Variants in RAB3GAP2 observed in about 807,000 individuals in gnomAD.
The protein encoded by RAB3GAP2 is rab3 GTPase-activating protein non-catalytic subunit.
Under a neutral mutation model 185.3 loss-of-function variants are expected in RAB3GAP2, and 87 were observed. That is an observed-to-expected ratio of 0.47 (90% confidence interval 0.39 to 0.56). The LOEUF (loss-of-function observed/expected upper bound fraction) is 0.56, where lower values mean the gene tolerates loss of function less well. RAB3GAP2 is among the 20% of genes least tolerant of loss of function. RAB3GAP2 has a pLI of 0.00. For synonymous variants in RAB3GAP2, 554 were observed against 576.1 expected, an observed-to-expected ratio of 0.96 and a Z score of 0.55; for missense variants, 1,492 against 1,638.2, an observed-to-expected ratio of 0.91 and a Z score of 1.54.
chr1:220,199,164 T>G (rs930021428), intron 9 of RAB3GAP2, among the ~76,000 whole-genome samples: 8 of 151,278 alleles, frequency 5.3e-5, no homozygotes, highest in African/African-American at 1.9e-4. Flanking sequence ...AGAAAGATGA[T>G]GTAGAAAAAA....
In RAB3GAP2 at chr1:220,154,008, C is replaced by G; in HGVS notation, c.3605G>C (p.Ser1202Thr). Residue 1202 changes from serine (S) to threonine (T), a missense_variant, in exon 32 of 35, where the codon AGT becomes ACT. Coordinates refer to ENST00000358951, the MANE Select transcript of RAB3GAP2 (RefSeq NM_012414.4). The part of the protein sequence containing the change: ...KDLTSIQLLP[S>T]GEMDPNFISV... ...AATAAAATTTGGATCCATTTCCCCACTAGGTAATAACTGAATTGAAGTTAG... is the reference window on the plus strand; with the variant it reads ...AATAAAATTTGGATCCATTTCCCCAGTAGGTAATAACTGAATTGAAGTTAG... 1 of 1,613,578 alleles carries G rather than the reference C, an allele frequency of 6.2e-7. No homozygotes were observed. The highest frequency in any genetic ancestry group is 2.2e-5 in the East Asian group (1 of 44,794).
At chr1:220,264,735 T>C (rs1660199832) in intron 1 of RAB3GAP2, among the ~76,000 whole-genome samples, 1 of 151,666 alleles carries the variant, frequency 6.6e-6, no homozygotes, top group Non-Finnish European at 1.5e-5. Flanking sequence ...TTTCTCTCCA[T>C]CTGATGGACA....
rs1321108653 is a variant in RAB3GAP2, at chr1:220,182,767, C to T, written c.2163G>A (p.Lys721=). The T allele has an allele frequency of 6.2e-7, 1 of 1,612,126 alleles. No homozygotes were observed. Among genetic ancestry groups the T allele is most frequent in the Admixed American group, 1.7e-5 (1 of 59,974 alleles). The change falls in exon 20 of 35, where the codon AAG becomes AAA. Residue 721 remains lysine (K), a synonymous_variant. Transcript: ENST00000358951. ...TTATTTTCTTTATGTTGAGCACATC[C>T]TTTTCATATTCTAAATATTCCAAGA... is the stretch of plus-strand genomic sequence containing the variant. ...KTFLEYLEYE[K]DVLNIKKISE...
chr1:220,213,932 T>C lies in RAB3GAP2; in HGVS notation c.228A>G (p.Gln76=), dbSNP rs1043216876. The change falls in exon 3 of 35, where the codon CAA becomes CAG. Residue 76 remains glutamine, a synonymous_variant. Coordinates refer to ENST00000358951, the MANE Select transcript of RAB3GAP2 (RefSeq NM_012414.4). Reference sequence around the variant, plus strand: ...TTGGAGATAAGGATAAAACACAATCTTGGAGCCAGGAAGTTTTTTGTGTTT... The same window carrying C: ...TTGGAGATAAGGATAAAACACAATCCTGGAGCCAGGAAGTTTTTTGTGTTT... ...TCKTQKTSWL[Q]DCVLSLSPTN... is the part of the protein sequence containing the mutation. 1.2e-6 allele frequency: 2 copies of C among 1,613,348 alleles called. No homozygotes were observed. The highest frequency in any genetic ancestry group is 4.5e-5 in the East Asian group (2 of 44,820).
intron 7 of RAB3GAP2, chr1:220,207,814 A>T (rs1382856260): frequency 6.6e-6 from 1 of 152,174 alleles, no homozygotes; most frequent in East Asian, 1.9e-4. Flanking sequence ...CTTTTTACAG[A>T]AGCTATTATA....
At position 220,150,212 on chromosome 1, in the gene RAB3GAP2, G is replaced by A. The variant is rs986609998; in HGVS notation, c.*1039C>T. 3 of 150,438 alleles carry A rather than the reference G, an allele frequency of 2.0e-5. No homozygotes were observed. Among genetic ancestry groups the A allele is most frequent in the African/African-American group, 4.9e-5 (2 of 40,876 alleles). 9.3% of individuals were successfully genotyped at this position (150,438 alleles called of 1,614,324 possible). On this transcript the variant is annotated 3_prime_UTR_variant, in exon 35 of 35. Coordinates refer to ENST00000358951, the MANE Select transcript of RAB3GAP2 (RefSeq NM_012414.4). ...CCAGCCTCCCGAGTAGCTATAGTTTGGTTTTAATCAGTAAATATTTATTTA... is the reference window on the plus strand; with the variant it reads ...CCAGCCTCCCGAGTAGCTATAGTTTAGTTTTAATCAGTAAATATTTATTTA...
intron 1 of RAB3GAP2, among the ~76,000 whole-genome samples, chr1:220,271,732 G>T (rs577767961): frequency 6.6e-6 from 1 of 152,148 alleles, no homozygotes; most frequent in East Asian, 1.9e-4. Flanking sequence ...CTTTCGGAAT[G>T]GGAGGTAGCA....
At chr1:220,260,851 G>A (rs1013083121) in intron 1 of RAB3GAP2, among the ~76,000 whole-genome samples, 3 of 152,138 alleles carry the variant, frequency 2.0e-5, no homozygotes, top group Non-Finnish European at 4.4e-5. Flanking sequence ...CAATATGGTA[G>A]CCACTAGCAA....
chr1:220,196,588 C>A (rs897537938), intron 9 of RAB3GAP2, among the ~76,000 whole-genome samples, 190 bp from the exon 10 acceptor site: 3 of 152,040 alleles, frequency 2.0e-5, no homozygotes, highest in Non-Finnish European at 4.4e-5. Flanking sequence ...TCCCAGCACT[C>A]CGGAGGCCAA....
chr1:220,236,768 C>G (rs1433846732), intron 1 of RAB3GAP2, among the ~76,000 whole-genome samples: 1 of 151,760 alleles, frequency 6.6e-6, no homozygotes, highest in Non-Finnish European at 1.5e-5. Flanking sequence ...CACGGTACTT[C>G]CTTCTGGTAA....
chr1:220,205,309 ATATATT>A (rs1658942998), intron 8 of RAB3GAP2, among the ~76,000 whole-genome samples: 1 of 152,110 alleles, frequency 6.6e-6, no homozygotes, highest in Non-Finnish European at 1.5e-5. Context: ...TTGCCCATAT[ATATATT>A]AAGTTTAGGC....
In RAB3GAP2 at chr1:220,153,216, T is replaced by C. The variant is rs2102849748; in HGVS notation, c.3836A>G (p.Tyr1279Cys). The change falls in exon 33 of 35, where the codon TAC becomes TGC. Residue 1279 changes from tyrosine (Y) to cysteine (C), a missense_variant. Coordinates refer to ENST00000358951, the MANE Select transcript of RAB3GAP2 (RefSeq NM_012414.4). Reference protein sequence around the residue: ...VVRRHYVGELYNYGVDHLGEE... With the variant: ...VVRRHYVGELCNYGVDHLGEE... ...TCCTAAGTGGTCAACTCCATAGTTG[T>C]ATAGTTCCCCCACATAATGCCTTCT... is the stretch of plus-strand genomic sequence containing the variant. 1 of 1,613,958 alleles carries C rather than the reference T, an allele frequency of 6.2e-7. No homozygotes were observed. Among genetic ancestry groups the C allele is most frequent in the Non-Finnish European group, 8.5e-7 (1 of 1,179,806 alleles).
Position 220,190,510 on chromosome 1 carries a change from G to T in RAB3GAP2, c.1498C>A (p.Pro500Thr). The T allele has an allele frequency of 6.3e-7, 1 of 1,599,824 alleles. No individual in the cohort carries two copies. Among genetic ancestry groups the T allele is most frequent in the South Asian group, 1.1e-5 (1 of 90,782 alleles). ...NVGKHCRLLY[P>T]GYKIMGLNNV... Reference sequence around the variant, plus strand: ...TTTAAACCCATTATTTTATAGCCAGGATACAGCAGCCTAAAGAAATCACAT... The same window carrying T: ...TTTAAACCCATTATTTTATAGCCAGTATACAGCAGCCTAAAGAAATCACAT... The change falls in exon 15 of 35, where the codon CCT (proline) becomes ACT (threonine). Residue 500 changes from proline (P) to threonine (T), a missense_variant. By Grantham distance (38) the Pro-to-Thr change is conservative. Around this residue, in one of 5 missense-constraint regions of RAB3GAP2, gnomAD observed 681 missense variants for 689.1 expected, o/e 0.99. Coordinates refer to ENST00000358951, the MANE Select transcript of RAB3GAP2 (RefSeq NM_012414.4).
chr1:220,151,974 A>G (rs1018439387), intron 33 of RAB3GAP2, among the ~76,000 whole-genome samples: 3 of 151,942 alleles, frequency 2.0e-5, no homozygotes. Context: ...TTCTCTCATC[A>G]CCTAATCTTT....
chr1:220,212,880 C>T lies in RAB3GAP2; in HGVS notation c.386+7G>A. The stretch of plus-strand genomic sequence containing the variant: ...ACACAGAGAAACAAAAATTAACTGG[C>T]ACCTACCCTTCTTCGACATTTAAGG... On this transcript the variant is annotated splice_region_variant and intron_variant, in intron 4 of 34. Transcript: ENST00000358951. 1 of 1,607,328 alleles carries T rather than the reference C, an allele frequency of 6.2e-7. No homozygotes were observed. The highest frequency in any genetic ancestry group is 8.5e-7 in the Non-Finnish European group (1 of 1,173,936).
At chr1:220,204,725 A>AT (rs1471514947) in intron 8 of RAB3GAP2, among the ~76,000 whole-genome samples, 2 of 135,882 alleles carry the variant, frequency 1.5e-5, no homozygotes, top group Non-Finnish European at 3.2e-5. Context: ...TCCTAATGCT[A>AT]TCCCTCCCCC....
chr1:220,168,699 A>G (rs962294401), intron 24 of RAB3GAP2, among the ~76,000 whole-genome samples: 3 of 152,190 alleles, frequency 2.0e-5, no homozygotes, highest in Non-Finnish European at 4.4e-5. Flanking sequence ...GCCCAGCCCT[A>G]TTACTTTTAA....
intron 1 of RAB3GAP2, chr1:220,253,967 C>A: frequency 1.9e-6 from 3 of 1,613,600 alleles, no homozygotes; most frequent in Non-Finnish European, 2.5e-6. Flanking sequence ...CCTCAGCCTC[C>A]TTGGAAGAAA....
intron 7 of RAB3GAP2, 146 bp from the exon 8 acceptor site, chr1:220,206,152 A>T: frequency 1.7e-6 from 1 of 592,402 alleles, no homozygotes; most frequent in Non-Finnish European, 2.9e-6. Context: ...ATAGATAAAA[A>T]ATTAATTTGA....
Sources: gnomAD v4.1 joint callset for allele counts (sites outside exome capture counted in the v4.1 genomes callset) on GRCh38, gnomAD v4.1.1 for gene constraint, gnomAD v4.1.1 regional missense constraint, MANE v1.5 for transcripts, NCBI Gene and HGNC (gene_info 2026-07-23, HGNC 2026-07-21) for gene names.